EPHA4: variants seen among roughly 807,000 people sequenced by gnomAD.
EPHA4 encodes ephrin type-A receptor 4.
EPHA4 carries 19 observed loss-of-function variants against 108.3 expected under a neutral mutation model. That is an observed-to-expected ratio of 0.18 (90% CI 0.12 to 0.26). The LOEUF (loss-of-function observed/expected upper bound fraction) is 0.26, where lower values mean the gene tolerates loss of function less well. EPHA4 is among the 10% of genes least tolerant of loss of function. The pLI is 1.00. For missense variants in EPHA4, 917 were observed against 1,254.0 expected, an observed-to-expected ratio of 0.73 and a Z score of 4.06; for synonymous variants, 449 against 455.5, an observed-to-expected ratio of 0.99 and a Z score of 0.18.
At chr2:221,497,296 A>T (rs1692327018) in intron 4 of EPHA4, among the ~76,000 whole-genome samples, 1 of 152,212 alleles carries the variant, frequency 6.6e-6, no homozygotes, top group Non-Finnish European at 1.5e-5. Flanking sequence ...GGGCCTGGTG[A>T]GGGTAAACTC....
intron 8 of EPHA4, among the ~76,000 whole-genome samples, chr2:221,452,584 A>G (rs1419805168): frequency 6.6e-6 from 1 of 152,222 alleles, no homozygotes; most frequent in Non-Finnish European, 1.5e-5. Context: ...GGCCTTTCCC[A>G]TGACAGCTTT....
intron 5 of EPHA4, among the ~76,000 whole-genome samples, chr2:221,458,566 T>A (rs993380345): frequency 6.6e-6 from 1 of 152,200 alleles, no homozygotes; most frequent in Admixed American, 6.5e-5. Context: ...AAATAGTGAA[T>A]ACAAATCAAG....
chr2:221,534,451 T>G (rs549720219), intron 3 of EPHA4, among the ~76,000 whole-genome samples: 1 of 152,328 alleles, frequency 6.6e-6, no homozygotes, highest in African/African-American at 2.4e-5. Flanking sequence ...CACAGGCACC[T>G]AGAAAAGGTC....
intron 3 of EPHA4, among the ~76,000 whole-genome samples, chr2:221,513,968 T>A (rs951858589): frequency 6.6e-6 from 1 of 152,054 alleles, no homozygotes; most frequent in South Asian, 2.1e-4. Flanking sequence ...CCAGGGATGG[T>A]AGCAAAGATG....
chr2:221,529,872 A>G (rs1202612068), intron 3 of EPHA4, among the ~76,000 whole-genome samples: 1 of 152,232 alleles, frequency 6.6e-6, no homozygotes, highest in Admixed American at 6.5e-5. Flanking sequence ...TTTCCTGGAC[A>G]TGAAGACAGA....
At chr2:221,552,611 G>T (rs1694195229) in intron 3 of EPHA4, among the ~76,000 whole-genome samples, 1 of 152,196 alleles carries the variant, frequency 6.6e-6, no homozygotes, top group Non-Finnish European at 1.5e-5. Flanking sequence ...CCATTGCCAG[G>T]CTGGGCACTT....
At chr2:221,495,012 A>C (rs1481028805) in intron 4 of EPHA4, among the ~76,000 whole-genome samples, 1 of 151,988 alleles carries the variant, frequency 6.6e-6, no homozygotes, top group African/African-American at 2.4e-5. Context: ...AAAAAAAAAA[A>C]AAAAAAAAAA....
chr2:221,522,002 A>T (rs146804018), intron 3 of EPHA4, among the ~76,000 whole-genome samples: 4 of 152,072 alleles, frequency 2.6e-5, no homozygotes, highest in East Asian at 1.9e-4. Context: ...AACAAACAAA[A>T]AAACAAATAA....
At chr2:221,470,311 G>A (rs1275354836) in intron 5 of EPHA4, among the ~76,000 whole-genome samples, 2 of 151,386 alleles carry the variant, frequency 1.3e-5, no homozygotes, top group East Asian at 2.0e-4. Flanking sequence ...ACAAATAGGG[G>A]AGAGAGACAG....
intron 17 of EPHA4, chr2:221,422,191 C>G (rs1689779793): frequency 6.6e-6 from 1 of 152,172 alleles, no homozygotes; most frequent in Admixed American, 6.5e-5. Flanking sequence ...GTCATCAAAT[C>G]TACCTTCTAA....
chr2:221,422,648 A>G (rs1404606893), intron 17 of EPHA4, among the ~76,000 whole-genome samples: 1 of 152,184 alleles, frequency 6.6e-6, no homozygotes, highest in African/African-American at 2.4e-5. Context: ...TCACCATTGA[A>G]TTCAGGCAAC....
chr2:221,455,230 C>T (rs1391166996), intron 8 of EPHA4, among the ~76,000 whole-genome samples: 5 of 152,130 alleles, frequency 3.3e-5, no homozygotes, highest in Non-Finnish European at 5.9e-5. Context: ...TTGCCTTTGG[C>T]AGTGAGTCCA....
At chr2:221,462,452 C>T (rs552984789) in intron 5 of EPHA4, among the ~76,000 whole-genome samples, 2 of 151,936 alleles carry the variant, frequency 1.3e-5, no homozygotes, top group Middle Eastern at 3.4e-3. Flanking sequence ...TCTTTTTAAC[C>T]TACAAATCAT....
At chr2:221,495,395 G>A (rs1035317262) in intron 4 of EPHA4, among the ~76,000 whole-genome samples, 3 of 152,196 alleles carry the variant, frequency 2.0e-5, no homozygotes, top group African/African-American at 7.2e-5. Context: ...CGGTTTTACA[G>A]ATCAGTAGCT....
chr2:221,481,101 G>A (rs976207768), intron 5 of EPHA4, among the ~76,000 whole-genome samples: 14 of 152,124 alleles, frequency 9.2e-5, no homozygotes, highest in Non-Finnish European at 1.6e-4. Context: ...AGCCGGCAAT[G>A]TAAAACTCCT....
chr2:221,559,595 A>G (rs1694398630), intron 3 of EPHA4, among the ~76,000 whole-genome samples: 1 of 152,156 alleles, frequency 6.6e-6, no homozygotes, highest in African/African-American at 2.4e-5. Flanking sequence ...TTAATGGAAT[A>G]TTTTCCTCTC....
At chr2:221,494,754 A>G (rs1462795004) in intron 4 of EPHA4, among the ~76,000 whole-genome samples, 1 of 152,192 alleles carries the variant, frequency 6.6e-6, no homozygotes, top group Non-Finnish European at 1.5e-5. Flanking sequence ...CAGGGGTGTG[A>G]GGTTGACCAC....
rs1391848189 is a variant in EPHA4 at position 221,568,868 on chromosome 2, T to C, written c.92-83A>G. 8 of 1,181,224 alleles carry C rather than the reference T, an allele frequency of 6.8e-6. No individual in the cohort carries two copies. In the East Asian group the frequency reaches 1.9e-4, roughly 29 times the overall value. 73.2% of individuals were successfully genotyped at this position (1,181,224 alleles called of 1,614,324 possible). On this transcript the variant is annotated intron_variant, in intron 1 of 17. Transcript: ENST00000281821. The stretch of plus-strand genomic sequence containing the variant: ...AAAACCATTTGCCTGAGCGTTTCCA[T>C]ATGTGCTGAGGCTGTGCATATCCAA...
At position 221,425,307 on chromosome 2, in the gene EPHA4, T is replaced by A. The variant is rs10196918; in HGVS notation, c.*721A>T. 1 of 152,476 alleles carries A rather than the reference T, an allele frequency of 6.6e-6. No homozygotes were observed. Among genetic ancestry groups the A allele is most frequent in the Non-Finnish European group, 1.5e-5 (1 of 68,020 alleles). The allele number at this position is 152,476 out of a possible 1,614,324, so 9.4% of individuals were successfully genotyped here. ...TATCCACAAGATAGTTAGGACAAGT[T>A]TGTAAAGTCCCAAAATAAGACTTTA... On this transcript the variant is annotated 3_prime_UTR_variant, in exon 17 of 18. Coordinates refer to ENST00000281821, the MANE Select transcript of EPHA4 (RefSeq NM_004438.5).
Sources: allele counts gnomAD v4.1 joint callset (sites outside exome capture counted in the v4.1 genomes callset), GRCh38; gene constraint gnomAD v4.1.1; transcripts MANE v1.5; gene names NCBI Gene and HGNC (gene_info 2026-07-23, HGNC 2026-07-21).